DNAJC27: variants seen among roughly 807,000 people sequenced by gnomAD.
The protein encoded by DNAJC27 is dnaJ homolog subfamily C member 27.
DNAJC27 carries 25 observed loss-of-function variants against 31.4 expected under a neutral mutation model. The observed-to-expected ratio is 0.80, with a 90% CI of 0.58 to 1.11. DNAJC27 has a LOEUF of 1.11. Among genes scored for constraint, DNAJC27 ranks in the 50% most tolerant of loss-of-function variants. The pLI, the probability that DNAJC27 is intolerant of heterozygous loss-of-function variation, is 0.00. For synonymous variants in DNAJC27, 106 were observed against 112.7 expected, an observed-to-expected ratio of 0.94 and a Z score of 0.37; for missense variants, 356 against 347.3, an observed-to-expected ratio of 1.02 and a Z score of -0.20.
chr2:24,944,352 CTTTTTT>C lies in DNAJC27; in HGVS notation c.*3258_*3263del, dbSNP rs527583605. 1.4e-5 allele frequency: 2 copies of C among 141,792 alleles called. No individual in the cohort carries two copies. The highest frequency in any genetic ancestry group is 3.1e-5 in the Non-Finnish European group (2 of 64,460). 8.8% of individuals were successfully genotyped at this position (141,792 alleles called of 1,614,324 possible). A position where few individuals can be genotyped will look rare whatever the true frequency, so the allele number is the denominator to read the frequency against. On this transcript the variant is annotated 3_prime_UTR_variant, in exon 7 of 7. Coordinates refer to ENST00000264711, the MANE Select transcript of DNAJC27 (RefSeq NM_016544.3). ...GTCATTGTTCAATGGGGCACAGCTC[CTTTTTT>C]TTTTTTTTCTTTTTTTTAAAAAACT...
intron 1 of DNAJC27, 79 bp from the exon 2 acceptor site, chr2:24,967,372 G>T (rs1666215147): frequency 6.4e-6 from 7 of 1,090,850 alleles, no homozygotes; most frequent in South Asian, 1.4e-5. Flanking sequence ...CTTCATTATG[G>T]TTCCTCCATT....
rs757232743 is a variant in DNAJC27 at position 24,957,168 on chromosome 2, G to C, written c.406-3C>G. The C allele has an allele frequency of 1.9e-6, 3 of 1,590,860 alleles. No homozygotes were observed. The highest frequency in any genetic ancestry group is 1.9e-5 in the Admixed American group (1 of 53,294). On this transcript the variant is annotated splice_polypyrimidine_tract_variant and splice_region_variant and intron_variant, in intron 4 of 6. Coordinates refer to ENST00000264711, the MANE Select transcript of DNAJC27 (RefSeq NM_016544.3). ...CAGCGATGTTTGGTACAATCAATCT[G>C]AAATAGAAGGGGCGGGGGACAGAGA...
rs375430905 is a variant in DNAJC27 at position 24,947,730 on chromosome 2, C to T, written c.708G>A (p.Ala236=). Residue 236 remains alanine, a synonymous_variant, in exon 7 of 7, where the codon GCG becomes GCA. Transcript: ENST00000264711. ...GAAGAAGCACAGCAAGTTTCCGATA[C>T]GCTTTATTGACTTCATCCCTGGGAA... ...PGASRDEVNK[A]YRKLAVLLHP... The T allele has an allele frequency of 5.4e-5, 87 of 1,612,884 alleles. No individual in the cohort carries two copies. The highest frequency in any genetic ancestry group is 1.3e-4 in the East Asian group (6 of 44,868).
chr2:24,963,971 G>A (rs1466351218), intron 2 of DNAJC27, among the ~76,000 whole-genome samples: 2 of 152,068 alleles, frequency 1.3e-5, no homozygotes, highest in Non-Finnish European at 2.9e-5. Flanking sequence ...TAGTGAATTT[G>A]TTTTCAGATA....
rs1007875844 is a variant in DNAJC27, at chr2:24,956,933, A to G, written c.528+110T>C. 1,443 of 1,282,614 alleles carry G rather than the reference A, an allele frequency of 1.1e-3. 25 individuals carry two copies. Among genetic ancestry groups the G allele is most frequent in the Non-Finnish European group, 2.1e-4 (200 of 931,420 alleles). The allele number at this position is 1,282,614 out of a possible 1,614,324, so 79.5% of individuals were successfully genotyped here. On this transcript the variant is annotated intron_variant, in intron 5 of 6. Transcript: ENST00000264711. ...CTCACTAGATTCTTTGAAAAGAAAG[A>G]GCTTATTCTAATGAGAAATTCCTAT...
Position 24,957,026 on chromosome 2 carries a change from A to G in DNAJC27, c.528+17T>C, listed in dbSNP as rs1462164039. On this transcript the variant is annotated intron_variant, in intron 5 of 6. Transcript: ENST00000264711. Reference sequence around the variant, plus strand: ...TGGCCTTGACACAAACCTTAAAACAACAAAATGCTAGCTTACCTGGAACAT... The same window carrying G: ...TGGCCTTGACACAAACCTTAAAACAGCAAAATGCTAGCTTACCTGGAACAT... 6.2e-7 allele frequency: 1 copy of G among 1,601,396 alleles called. No homozygotes were observed. The highest frequency in any genetic ancestry group is 1.3e-5 in the African/African-American group (1 of 74,178).
At chr2:24,958,102 T>C in intron 3 of DNAJC27, 128 bp from the exon 4 acceptor site, 1 of 819,024 alleles carries the variant, frequency 1.2e-6, no homozygotes, top group East Asian at 2.7e-5. Flanking sequence ...TATCTGTTTC[T>C]ACTGGTCATT....
chr2:24,950,702 C>A (rs1382684948), intron 6 of DNAJC27, among the ~76,000 whole-genome samples: 1 of 151,980 alleles, frequency 6.6e-6, no homozygotes, highest in East Asian at 1.9e-4. Context: ...TAAAAATTAG[C>A]CGGGCGTGGT....
At chr2:24,965,259 T>C (rs1430844788) in intron 2 of DNAJC27, among the ~76,000 whole-genome samples, 1 of 151,826 alleles carries the variant, frequency 6.6e-6, no homozygotes, top group Admixed American at 6.6e-5. Flanking sequence ...AATTTCATTT[T>C]TATTTTTATT....
In DNAJC27 at chr2:24,947,731, G is replaced by A. The variant is rs149877713; in HGVS notation, c.707C>T (p.Ala236Val). The part of the protein sequence containing the change: ...PGASRDEVNK[A>V]YRKLAVLLHP... ...AAGAAGCACAGCAAGTTTCCGATAC[G>A]CTTTATTGACTTCATCCCTGGGAAA... The change falls in exon 7 of 7, where the codon GCG becomes GTG. Residue 236 changes from alanine to valine, a missense_variant. Coordinates refer to ENST00000264711, the MANE Select transcript of DNAJC27 (RefSeq NM_016544.3). The A allele has an allele frequency of 2.0e-5, 32 of 1,612,902 alleles. No individual in the cohort carries two copies. In the African/African-American group the frequency reaches 2.7e-4, roughly 13 times the overall value.
At chr2:24,954,015 G>A (rs577093085) in intron 5 of DNAJC27, among the ~76,000 whole-genome samples, 36 of 152,280 alleles carry the variant, frequency 2.4e-4, no homozygotes, top group Non-Finnish European at 4.7e-4. Flanking sequence ...TGTCTGCTTG[G>A]AGTCCATTTC....
rs1323309628 is a variant in DNAJC27, at chr2:24,946,537, C to G, written c.*1079G>C. 6.6e-6 allele frequency: 1 copy of G among 152,272 alleles called. No homozygotes were observed. The highest frequency in any genetic ancestry group is 2.4e-5 in the African/African-American group (1 of 41,466). The allele number at this position is 152,272 out of a possible 1,614,324, so 9.4% of individuals were successfully genotyped here. Reference sequence around the variant, plus strand: ...TGAGGAGTGGCCCTGCCTTTCTCACCTGCCTGTGGCAAAGGCTGGCAGTAA... The same window carrying G: ...TGAGGAGTGGCCCTGCCTTTCTCACGTGCCTGTGGCAAAGGCTGGCAGTAA... On this transcript the variant is annotated 3_prime_UTR_variant, in exon 7 of 7. Transcript: ENST00000264711.
chr2:24,952,589 T>C (rs1232921959), intron 5 of DNAJC27, among the ~76,000 whole-genome samples: 1 of 152,188 alleles, frequency 6.6e-6, no homozygotes, highest in Non-Finnish European at 1.5e-5. Context: ...AGTACACTTG[T>C]GGGGATACTG....
At chr2:24,952,389 T>C (rs1295319108) in intron 5 of DNAJC27, among the ~76,000 whole-genome samples, 1 of 152,212 alleles carries the variant, frequency 6.6e-6, no homozygotes, top group Non-Finnish European at 1.5e-5. Flanking sequence ...ACATAATGCA[T>C]CCTGGAATCT....
chr2:24,967,169 ACTT>A, intron 2 of DNAJC27, 39 bp downstream of exon 2: 1 of 1,498,316 alleles, frequency 6.7e-7, no homozygotes, highest in Non-Finnish European at 9.3e-7. Context: ...AAAGTTCTGA[ACTT>A]CTATGTAACT....
intron 5 of DNAJC27, among the ~76,000 whole-genome samples, chr2:24,952,191 T>C (rs1665793091): frequency 6.6e-6 from 1 of 152,146 alleles, no homozygotes; most frequent in South Asian, 2.1e-4. Context: ...AAGAAAAGTG[T>C]AAAATGAAAA....
intron 3 of DNAJC27, among the ~76,000 whole-genome samples, chr2:24,961,270 C>T (rs1211053659): frequency 6.6e-6 from 1 of 152,120 alleles, no homozygotes; most frequent in Non-Finnish European, 1.5e-5. Context: ...ATTTTAAGCC[C>T]ACTACTGAGA....
chr2:24,968,154 T>G (rs1459422100), intron 1 of DNAJC27, among the ~76,000 whole-genome samples: 1 of 152,202 alleles, frequency 6.6e-6, no homozygotes, highest in Non-Finnish European at 1.5e-5. Context: ...CTTCTAGAGT[T>G]TGCTTTTCTC....
rs78326058 is a variant in DNAJC27 at position 24,954,514 on chromosome 2, A to T, written c.528+2529T>A. 3.9e-5 allele frequency among the ~76,000 whole-genome samples: 6 copies of T among 152,364 alleles called. No homozygotes were observed. The East Asian group carries it at 1.2e-3, about 29-fold the overall frequency. Reference sequence around the variant, plus strand: ...GCCAAATTAGAAGGGCTTGGGAAACACTTTGAACTTCCTTCAAATCCTTGC... The same window carrying T: ...GCCAAATTAGAAGGGCTTGGGAAACTCTTTGAACTTCCTTCAAATCCTTGC... On this transcript the variant is annotated intron_variant, in intron 5 of 6. Transcript: ENST00000264711.
Sources: gnomAD v4.1 joint callset for allele counts (sites outside exome capture counted in the v4.1 genomes callset) on GRCh38, gnomAD v4.1.1 for gene constraint, MANE v1.5 for transcripts, NCBI Gene and HGNC (gene_info 2026-07-23, HGNC 2026-07-21) for gene names.